Variants in REL observed in about 807,000 individuals in gnomAD.
REL encodes the protein proto-oncogene c-Rel.
A neutral mutation model predicts 45.9 loss-of-function variants in REL; 15 were observed. That is an observed-to-expected ratio of 0.33 (90% CI 0.22 to 0.50). The LOEUF (loss-of-function observed/expected upper bound fraction) is 0.50, where lower values mean the gene tolerates loss of function less well. REL is among the 20% of genes least tolerant of loss of function. The pLI is 0.98. For missense variants in REL, 601 were observed against 715.2 expected (o/e 0.84, Z 1.82); for synonymous variants, 239 against 242.1 (o/e 0.99, Z 0.12).
At chr2:60,903,408 G>T (rs1334203387) in intron 4 of REL, among the ~76,000 whole-genome samples, 3 of 152,012 alleles carry the variant, frequency 2.0e-5, no homozygotes, top group Non-Finnish European at 4.4e-5. Flanking sequence ...CTTGTTTTTT[G>T]AGATGCCCGG....
In REL at chr2:60,927,888, A is replaced by T. The variant is rs1277051766; in HGVS notation, c.*5353A>T. The T allele has an allele frequency of 4.4e-6, 1 of 224,922 alleles. No homozygotes were observed. The highest frequency in any genetic ancestry group is 8.9e-6 in the Non-Finnish European group (1 of 112,802). 13.9% of individuals were successfully genotyped at this position (224,922 alleles called of 1,614,324 possible). ...TTCCCAGTCTGTACCTACACCTCTAAATCTATTTTCAATCTTAATGGCCTT... is the reference window on the plus strand; with the variant it reads ...TTCCCAGTCTGTACCTACACCTCTATATCTATTTTCAATCTTAATGGCCTT... On this transcript the variant is annotated 3_prime_UTR_variant, in exon 10 of 10. Transcript: ENST00000394479.
chr2:60,925,685 T>G lies in REL; in HGVS notation c.*3150T>G. 5.8e-6 allele frequency: 1 copy of G among 171,458 alleles called. No homozygotes were observed. 10.6% of individuals were successfully genotyped at this position (171,458 alleles called of 1,614,324 possible). A position where few individuals can be genotyped will look rare whatever the true frequency, so the allele number is the denominator to read the frequency against. The stretch of plus-strand genomic sequence containing the variant: ...GATGTCTCTAGATGATGATGGATGA[T>G]AGGTGGGGAGATTTTTTTTTTTTTT... On this transcript the variant is annotated 3_prime_UTR_variant, in exon 10 of 10. Coordinates refer to ENST00000394479, the MANE Select transcript of REL (RefSeq NM_001291746.2).
rs34934347 is a variant in REL, at chr2:60,892,273, A to G, written c.153+448A>G. Among the ~76,000 whole-genome samples, 373 of 152,124 alleles carry G rather than the reference A, an allele frequency of 2.5e-3. 1 individual carries two copies. The highest frequency in any genetic ancestry group is 4.4e-3 in the Non-Finnish European group (302 of 67,998). The stretch of plus-strand genomic sequence containing the variant: ...AGAACATTTTTTTCTCCTTTTTCTT[A>G]ACTTTATTGCTTGTCTCTGATTCTC... On this transcript the variant is annotated intron_variant, in intron 2 of 9. Coordinates refer to ENST00000394479, the MANE Select transcript of REL (RefSeq NM_001291746.2).
chr2:60,918,672 G>C, intron 7 of REL, 66 bp downstream of exon 7: 1 of 1,081,274 alleles, frequency 9.2e-7, no homozygotes. Context: ...ACATCTTCTT[G>C]TAATATTCAT....
chr2:60,907,803 G>A (rs1238331316), intron 4 of REL, among the ~76,000 whole-genome samples: 1 of 151,170 alleles, frequency 6.6e-6, no homozygotes, highest in East Asian at 1.9e-4. Flanking sequence ...CCATTCTCCT[G>A]CCTCAGCCTC....
intron 1 of REL, among the ~76,000 whole-genome samples, chr2:60,887,996 T>A (rs1673111627): frequency 2.0e-5 from 3 of 151,800 alleles, no homozygotes; most frequent in African/African-American, 7.3e-5. Context: ...GGTACAATCT[T>A]GGCTCACTGC....
Position 60,891,822 on chromosome 2 carries a change from C to T in REL, c.150C>T (p.Ile50=). Residue 50 remains isoleucine, a synonymous_variant, in exon 2 of 10, where the codon ATC becomes ATT. Coordinates refer to ENST00000394479, the MANE Select transcript of REL (RefSeq NM_001291746.2). The stretch of plus-strand genomic sequence containing the variant: ...ACAACAACCGAACATACCCTTCTAT[C>T]CAGGTAATAGACCCTTCTTCTGTGT... The part of the protein sequence containing the change: ...STDNNRTYPS[I]QIMNYYGKGK... The T allele has an allele frequency of 1.9e-6, 3 of 1,612,346 alleles. No individual in the cohort carries two copies. Among genetic ancestry groups the T allele is most frequent in the Non-Finnish European group, 2.5e-6 (3 of 1,179,164 alleles).
chr2:60,886,710 T>C (rs553632941), intron 1 of REL, among the ~76,000 whole-genome samples: 15 of 152,296 alleles, frequency 9.8e-5, no homozygotes, highest in Admixed American at 9.8e-4. Flanking sequence ...AATGTGTCTA[T>C]TTCCGATAAT....
intron 1 of REL, 44 bp from the exon 2 acceptor site, chr2:60,891,639 C>A: frequency 7.1e-7 from 1 of 1,412,046 alleles, no homozygotes; most frequent in Non-Finnish European, 9.5e-7. Flanking sequence ...TTATTAATTG[C>A]TATATTAATC....
chr2:60,893,462 AT>A (rs1673271135), intron 2 of REL, among the ~76,000 whole-genome samples: 1 of 152,182 alleles, frequency 6.6e-6, no homozygotes, highest in Non-Finnish European at 1.5e-5. Context: ...TTTTTGAGTC[AT>A]TTTTAAACTT....
chr2:60,923,342 C>G lies in REL; in HGVS notation c.*807C>G. The G allele has an allele frequency of 4.4e-6, 1 of 227,642 alleles. No homozygotes were observed. 14.1% of individuals were successfully genotyped at this position (227,642 alleles called of 1,614,324 possible). On this transcript the variant is annotated 3_prime_UTR_variant, in exon 10 of 10. Transcript: ENST00000394479. ...TTTCTACATTTTATACTATTTCAAT[C>G]TATGCCTTTAAAGTTGCTTATGATT...
At chr2:60,921,176 A>T (rs1427822060) in intron 9 of REL, among the ~76,000 whole-genome samples, 5 of 152,136 alleles carry the variant, frequency 3.3e-5, no homozygotes, top group Non-Finnish European at 7.4e-5. Context: ...CCCCACGTAC[A>T]TTCTTAAATC....
At chr2:60,916,853 A>C in intron 4 of REL, 24 bp from the exon 5 acceptor site, 1 of 1,589,026 alleles carries the variant, frequency 6.3e-7, no homozygotes, top group Non-Finnish European at 8.6e-7. Flanking sequence ...TATTACATTT[A>C]AAAAATTTTT....
chr2:60,898,635 A>C (rs1673419564), intron 3 of REL, among the ~76,000 whole-genome samples: 1 of 152,244 alleles, frequency 6.6e-6, no homozygotes, highest in African/African-American at 2.4e-5. Context: ...AAAGTACTAG[A>C]TAGTAAATGT....
At chr2:60,903,910 G>A (rs1042258154) in intron 4 of REL, among the ~76,000 whole-genome samples, 22 of 151,760 alleles carry the variant, frequency 1.4e-4, no homozygotes, top group African/African-American at 4.8e-4. Flanking sequence ...CCAGTGATCC[G>A]CCTGCCTTGG....
intron 3 of REL, 122 bp from the exon 4 acceptor site, chr2:60,900,870 C>A: frequency 1.3e-6 from 1 of 797,872 alleles, no homozygotes; most frequent in Non-Finnish European, 2.0e-6. Context: ...CAATTGGAAG[C>A]ACGTTCATGC....
At chr2:60,899,757 CTGG>C (rs2103943963) in intron 3 of REL, 1 of 152,414 alleles carries the variant, frequency 6.6e-6, no homozygotes, top group East Asian at 1.9e-4. Context: ...ACAAGTATGA[CTGG>C]TGGTGGTGGG....
In REL at chr2:60,918,538, A is replaced by G; in HGVS notation, c.785A>G (p.Gln262Arg). The G allele has an allele frequency of 6.2e-7, 1 of 1,614,140 alleles. No homozygotes were observed. Among genetic ancestry groups the G allele is most frequent in the Non-Finnish European group, 8.5e-7 (1 of 1,180,002 alleles). ...ACAGAACCCGTAACAGTAAAAATGC[A>G]GTTGCGGAGACCTTCTGACCAGGAA... Reference protein sequence around the residue: ...AITEPVTVKMQLRRPSDQEVS... With the variant: ...AITEPVTVKMRLRRPSDQEVS... Residue 262 changes from glutamine (Q) to arginine (R), a missense_variant, in exon 7 of 10, where the codon CAG becomes CGG. This residue lies in a region of REL where 241 missense variants were observed against 347.0 expected (regional missense o/e 0.69). Coordinates refer to ENST00000394479, the MANE Select transcript of REL (RefSeq NM_001291746.2).
rs1216820919 is a variant in REL at position 60,923,606 on chromosome 2, G to A, written c.*1071G>A. 4.3e-6 allele frequency: 1 copy of A among 232,608 alleles called. No homozygotes were observed. The highest frequency in any genetic ancestry group is 8.5e-6 in the Non-Finnish European group (1 of 117,776). The allele number at this position is 232,608 out of a possible 1,614,324, so 14.4% of individuals were successfully genotyped here. A position where few individuals can be genotyped will look rare whatever the true frequency, so the allele number is the denominator to read the frequency against. ...GCAATGCCATACTTCTGGTTGCTCA[G>A]GCCAAAAACCCTGAAGTCATCCTTG... On this transcript the variant is annotated 3_prime_UTR_variant, in exon 10 of 10. Transcript: ENST00000394479.
Sources: gnomAD v4.1 joint callset for allele counts (sites outside exome capture counted in the v4.1 genomes callset) on GRCh38, gnomAD v4.1.1 for gene constraint, gnomAD v4.1.1 regional missense constraint, MANE v1.5 for transcripts, NCBI Gene and HGNC (gene_info 2026-07-23, HGNC 2026-07-21) for gene names.